The following DSC2 variants were observed in gnomAD, a reference collection of about 807,000 sequenced individuals.
DSC2 encodes the protein desmocollin 2.
DSC2 carries 51 observed loss-of-function variants against 87.6 expected under a neutral mutation model. The ratio of observed to expected loss-of-function variants is 0.58; its 90% CI spans 0.46 to 0.74. The LOEUF (loss-of-function observed/expected upper bound fraction) is 0.74, where lower values mean the gene tolerates loss of function less well. DSC2 is among the 30% of genes least tolerant of loss of function. The pLI is 0.00. For missense variants in DSC2, 1,066 were observed against 1,089.5 expected (o/e 0.98, Z 0.30); for synonymous variants, 383 against 393.2 (o/e 0.97, Z 0.31).
intron 11 of DSC2, among the ~76,000 whole-genome samples, chr18:31,077,321 C>G (rs929821634): frequency 1.3e-5 from 2 of 152,320 alleles, no homozygotes; most frequent in East Asian, 3.9e-4. Context: ...ACCTTGCTCT[C>G]TCTGAAAATT....
At chr18:31,087,473 A>G (rs905579447) in intron 6 of DSC2, among the ~76,000 whole-genome samples, 196 bp downstream of exon 6, 1 of 152,218 alleles carries the variant, frequency 6.6e-6, no homozygotes, top group Non-Finnish European at 1.5e-5. Context: ...CCCATTTTAC[A>G]GATGAAGAAA....
intron 1 of DSC2, among the ~76,000 whole-genome samples, chr18:31,097,826 G>C (rs1020192207): frequency 1.7e-4 from 26 of 151,770 alleles, no homozygotes; most frequent in Admixed American, 1.4e-3. Flanking sequence ...CCACATACTT[G>C]CCTACATCGC....
At chr18:31,099,457 C>T (rs1015874027) in intron 1 of DSC2, among the ~76,000 whole-genome samples, 15 of 151,944 alleles carry the variant, frequency 9.9e-5, no homozygotes, top group African/African-American at 3.4e-4. Context: ...ATTAACAATA[C>T]GATACACTTA....
intron 6 of DSC2, 48 bp from the exon 7 acceptor site, chr18:31,086,790 A>G: frequency 2.5e-6 from 4 of 1,580,516 alleles, no homozygotes; most frequent in Non-Finnish European, 3.5e-6. Flanking sequence ...CACATGTTCT[A>G]TGTTCCCTTT....
intron 1 of DSC2, chr18:31,101,130 A>G: frequency 4.2e-6 from 4 of 962,550 alleles, no homozygotes; most frequent in Non-Finnish European, 4.9e-6. Context: ...CTCTGGGGAC[A>G]AGAAATCAGA....
intron 1 of DSC2, among the ~76,000 whole-genome samples, chr18:31,099,604 CG>C (rs956813189): frequency 2.0e-5 from 3 of 151,172 alleles, no homozygotes; most frequent in Non-Finnish European, 4.4e-5. Context: ...AAAAAAAAGG[CG>C]GGGGGGAGTG....
At chr18:31,101,538 G>C (rs1987953765) in intron 1 of DSC2, 1 of 239,278 alleles carries the variant, frequency 4.2e-6, no homozygotes, top group Non-Finnish European at 7.9e-6. Context: ...TCCCGCCCCG[G>C]CGCACTCCCG....
At chr18:31,095,833 G>A (rs1237611101) in intron 1 of DSC2, among the ~76,000 whole-genome samples, 1 of 151,980 alleles carries the variant, frequency 6.6e-6, no homozygotes, top group Non-Finnish European at 1.5e-5. Flanking sequence ...TAAAAGCCAG[G>A]TGAGGTCACC....
intron 9 of DSC2, among the ~76,000 whole-genome samples, chr18:31,080,860 G>C (rs868263779): frequency 6.6e-6 from 1 of 152,042 alleles, no homozygotes; most frequent in South Asian, 2.1e-4. Context: ...TGTGAGAACA[G>C]ACTAATACAC....
At chr18:31,094,857 G>A (rs1261539686) in intron 1 of DSC2, among the ~76,000 whole-genome samples, 1 of 152,194 alleles carries the variant, frequency 6.6e-6, no homozygotes, top group East Asian at 1.9e-4. Context: ...AGCCAAGAGA[G>A]AATAGGAGTA....
In DSC2 at chr18:31,092,184, T is replaced by C. The variant is rs760833378; in HGVS notation, c.271A>G (p.Lys91Glu). 6.2e-7 allele frequency: 1 copy of C among 1,613,712 alleles called. No homozygotes were observed. Among genetic ancestry groups the C allele is most frequent in the South Asian group, 1.1e-5 (1 of 91,046 alleles). ...TTNTILLSSE[K>E]RSFTILLSNT... ...GAAAGTAATATGGTAAAACTTCTCT[T>C]CTCCGAGGACAATAGAATAGTATTT... Residue 91 changes from lysine to glutamate, a missense_variant, in exon 3 of 16, where the codon AAG becomes GAG. Coordinates refer to ENST00000280904, the MANE Select transcript of DSC2 (RefSeq NM_024422.6).
intron 12 of DSC2, among the ~76,000 whole-genome samples, chr18:31,073,198 A>G (rs1450237180): frequency 6.6e-6 from 1 of 152,124 alleles, no homozygotes; most frequent in Non-Finnish European, 1.5e-5. Context: ...TACAGCTGCC[A>G]AAGTTTTATT....
chr18:31,061,022 A>G lies in DSC2; in HGVS notation c.*6993T>C, dbSNP rs1598564893. The G allele has an allele frequency of 6.6e-6, 1 of 152,352 alleles. No homozygotes were observed. Among genetic ancestry groups the G allele is most frequent in the East Asian group, 1.9e-4 (1 of 5,194 alleles). The allele number at this position is 152,352 out of a possible 1,614,324, so 9.4% of individuals were successfully genotyped here. A position where few individuals can be genotyped will look rare whatever the true frequency, so the allele number is the denominator to read the frequency against. On this transcript the variant is annotated 3_prime_UTR_variant, in exon 16 of 16. Transcript: ENST00000280904. ...AACCCTAACGATTGTCAAACTTTAGAGTAAGAAAAAATGACCTAGAAAATG... is the reference window on the plus strand; with the variant it reads ...AACCCTAACGATTGTCAAACTTTAGGGTAAGAAAAAATGACCTAGAAAATG...
chr18:31,061,340 C>G lies in DSC2; in HGVS notation c.*6675G>C, dbSNP rs956611146. 1.3e-5 allele frequency: 2 copies of G among 152,172 alleles called. No homozygotes were observed. Among genetic ancestry groups the G allele is most frequent in the African/African-American group, 4.8e-5 (2 of 41,444 alleles). 9.4% of individuals were successfully genotyped at this position (152,172 alleles called of 1,614,324 possible). ...ACAATTCTAACCTCTCAGCTATGCCCAGATTTTCTGTAGGGATACAAAGGT... is the reference window on the plus strand; with the variant it reads ...ACAATTCTAACCTCTCAGCTATGCCGAGATTTTCTGTAGGGATACAAAGGT... On this transcript the variant is annotated 3_prime_UTR_variant, in exon 16 of 16. Coordinates refer to ENST00000280904, the MANE Select transcript of DSC2 (RefSeq NM_024422.6).
Position 31,082,953 on chromosome 18 carries a change from G to T in DSC2, c.1050C>A (p.Asp350Glu), listed in dbSNP as rs756181509. ...TCIINIDDVN[D>E]HLPTFTRTSY... Reference sequence around the variant, plus strand: ...AAGTACGAGTAAATGTTGGCAAGTGGTCATTTACATCATCAATGTTAATGA... The same window carrying T: ...AAGTACGAGTAAATGTTGGCAAGTGTTCATTTACATCATCAATGTTAATGA... The change falls in exon 8 of 16, where the codon GAC becomes GAA. Residue 350 changes from aspartate (D) to glutamate (E), a missense_variant. Coordinates refer to ENST00000280904, the MANE Select transcript of DSC2 (RefSeq NM_024422.6). 1 of 1,613,432 alleles carries T rather than the reference G, an allele frequency of 6.2e-7. No individual in the cohort carries two copies.
intron 12 of DSC2, 37 bp from the exon 13 acceptor site, chr18:31,071,878 A>G: frequency 1.3e-6 from 2 of 1,520,982 alleles, no homozygotes; most frequent in South Asian, 2.3e-5. Context: ...ACATTATACA[A>G]TGTCACTGAT....
rs1986588034 is a variant in DSC2 at position 31,065,321 on chromosome 18, A to G, written c.*2694T>C. On this transcript the variant is annotated 3_prime_UTR_variant, in exon 16 of 16. Transcript: ENST00000280904. Reference sequence around the variant, plus strand: ...ACTGAAGCTAAATTGTTCCCAACTCAGGCGTTCTCTGCTCATAGAACAATA... The same window carrying G: ...ACTGAAGCTAAATTGTTCCCAACTCGGGCGTTCTCTGCTCATAGAACAATA... The G allele has an allele frequency of 6.6e-6, 1 of 152,232 alleles. No individual in the cohort carries two copies. The highest frequency in any genetic ancestry group is 1.5e-5 in the Non-Finnish European group (1 of 68,060). 9.4% of individuals were successfully genotyped at this position (152,232 alleles called of 1,614,324 possible). A position where few individuals can be genotyped will look rare whatever the true frequency, so the allele number is the denominator to read the frequency against.
At chr18:31,101,033 T>C (rs887763092) in intron 1 of DSC2, among the ~76,000 whole-genome samples, 21 of 150,720 alleles carry the variant, frequency 1.4e-4, no homozygotes, top group Non-Finnish European at 1.9e-4. Flanking sequence ...GTAGGGTCAT[T>C]GCTGTAGTGC....
At chr18:31,076,186 T>G (rs1987011746) in intron 11 of DSC2, among the ~76,000 whole-genome samples, 1 of 151,952 alleles carries the variant, frequency 6.6e-6, no homozygotes, top group South Asian at 2.1e-4. Flanking sequence ...ATCCCTGAAG[T>G]CACAACCTCA....
Sources: gnomAD v4.1 joint callset for allele counts (sites outside exome capture counted in the v4.1 genomes callset) on GRCh38, gnomAD v4.1.1 for gene constraint, MANE v1.5 for transcripts, NCBI Gene and HGNC (gene_info 2026-07-23, HGNC 2026-07-21) for gene names.